The following HSD17B7 variants were observed in gnomAD, a reference collection of about 807,000 sequenced individuals.
HSD17B7 encodes hydroxysteroid 17-beta dehydrogenase 7.
HSD17B7 carries 17 observed loss-of-function variants against 34.1 expected under a neutral mutation model. The observed-to-expected ratio is 0.50, with a 90% CI of 0.34 to 0.75. The LOEUF is 0.75. Ranked by LOEUF, HSD17B7 falls within the 30% of genes least tolerant of loss-of-function variation. The pLI is 0.01. For synonymous variants in HSD17B7, 122 were observed against 154.6 expected (o/e 0.79, Z 1.56); for missense variants, 296 against 406.6 (o/e 0.73, Z 2.34).
At chr1:162,808,800 A>G (rs1230769126) in intron 8 of HSD17B7, among the ~76,000 whole-genome samples, 4 of 152,080 alleles carry the variant, frequency 2.6e-5, no homozygotes, top group Admixed American at 2.6e-4. Context: ...AATGCTTGTG[A>G]TTTTTGCACA....
chr1:162,793,061 T>A, intron 2 of HSD17B7, 199 bp downstream of exon 2: 1 of 418,446 alleles, frequency 2.4e-6, no homozygotes, highest in South Asian at 2.2e-5. Context: ...AGAGATGGAG[T>A]CTTGCTCTGT....
chr1:162,801,034 C>T (rs1305805460), intron 5 of HSD17B7, among the ~76,000 whole-genome samples: 1 of 152,076 alleles, frequency 6.6e-6, no homozygotes, highest in Non-Finnish European at 1.5e-5. Flanking sequence ...GGCTGGAGTG[C>T]GGTGGCACAA....
At chr1:162,801,788 T>C (rs952735499) in intron 5 of HSD17B7, among the ~76,000 whole-genome samples, 28 of 152,242 alleles carry the variant, frequency 1.8e-4, no homozygotes, top group African/African-American at 6.7e-4. Flanking sequence ...TTGAGATGTT[T>C]AAAAACTTGT....
chr1:162,804,385 C>T, intron 7 of HSD17B7, 62 bp downstream of exon 7: 1 of 1,006,402 alleles, frequency 9.9e-7, no homozygotes, highest in Non-Finnish European at 1.5e-6. Context: ...TACAGGTTCA[C>T]TCGTAGTAGA....
chr1:162,794,503 C>A (rs1648534608), intron 2 of HSD17B7, among the ~76,000 whole-genome samples: 1 of 152,154 alleles, frequency 6.6e-6, no homozygotes, highest in Admixed American at 6.5e-5. Flanking sequence ...TTTCTAGGTT[C>A]TGTTTTCACA....
At chr1:162,800,387 C>T (rs955099151) in intron 5 of HSD17B7, 2 of 424,436 alleles carry the variant, frequency 4.7e-6, no homozygotes. Context: ...GCTGTCTTGA[C>T]TTTATAGCTT....
At chr1:162,809,549 A>AG (rs1398321944) in intron 8 of HSD17B7, among the ~76,000 whole-genome samples, 1 of 144,968 alleles carries the variant, frequency 6.9e-6, no homozygotes, top group African/African-American at 2.8e-5. Flanking sequence ...GAATGGTACC[A>AG]TCTCCTTGTA....
At chr1:162,792,963 G>A in intron 2 of HSD17B7, 101 bp downstream of exon 2, 1 of 1,149,278 alleles carries the variant, frequency 8.7e-7, no homozygotes, top group Non-Finnish European at 1.3e-6. Context: ...AACAGGTGCG[G>A]TGTAAGCAGT....
chr1:162,792,215 G>A (rs112563446), intron 1 of HSD17B7, among the ~76,000 whole-genome samples: 1 of 152,280 alleles, frequency 6.6e-6, no homozygotes, highest in South Asian at 2.1e-4. Context: ...TACGATACCA[G>A]TAGGTGGTAG....
At chr1:162,796,455 A>G (rs1355758845) in intron 2 of HSD17B7, 130 bp from the exon 3 acceptor site, 3 of 540,254 alleles carry the variant, frequency 5.6e-6, no homozygotes, top group Non-Finnish European at 9.9e-6. Context: ...TGGCTAATAT[A>G]TTAATTTAAA....
At position 162,790,812 on chromosome 1, in the gene HSD17B7, G is replaced by C. The variant is rs758264943; in HGVS notation, c.12G>C (p.Val4=). The C allele has an allele frequency of 5.6e-6, 9 of 1,613,472 alleles. No homozygotes were observed. Among genetic ancestry groups the C allele is most frequent in the Middle Eastern group, 1.6e-4 (1 of 6,084 alleles). ...GTGAGTGCGCGAAGATGCGAAAGGT[G>C]GTTTTGATCACCGGGGCTAGCAGGT... is the stretch of plus-strand genomic sequence containing the variant. The part of the protein sequence containing the change: MRK[V]VLITGASSGI... The change falls in exon 1 of 9, where the codon GTG becomes GTC. Residue 4 remains valine (V), a synonymous_variant. Coordinates refer to ENST00000254521, the MANE Select transcript of HSD17B7 (RefSeq NM_016371.4).
At chr1:162,797,983 G>A (rs1648677975) in intron 4 of HSD17B7, 67 bp downstream of exon 4, 1 of 1,557,072 alleles carries the variant, frequency 6.4e-7, no homozygotes, top group Non-Finnish European at 8.7e-7. Context: ...TCTGGGCACA[G>A]GGCATTATTA....
Position 162,799,899 on chromosome 1 carries a change from C to CAAA in HSD17B7, c.604_605insAAA (p.Leu202delinsGlnIle). The CAAA allele has an allele frequency of 1.2e-6, 2 of 1,613,992 alleles. No individual in the cohort carries two copies. The highest frequency in any genetic ancestry group is 8.5e-7 in the Non-Finnish European group (1 of 1,179,972). On this transcript the variant is annotated protein_altering_variant, in exon 5 of 9. Coordinates refer to ENST00000254521, the MANE Select transcript of HSD17B7 (RefSeq NM_016371.4). ...CAGCTCTTCCAAATATGCCACTGACCTTTTGAGTGTGGCTTTGAACAGGAA... is the reference window on the plus strand; with the variant it reads ...CAGCTCTTCCAAATATGCCACTGACCAAATTTTGAGTGTGGCTTTGAACAGGAA...
In HSD17B7 at chr1:162,790,744, A is replaced by C. The variant is rs1424875571; in HGVS notation, c.-57A>C. On this transcript the variant is annotated 5_prime_UTR_variant, in exon 1 of 9. Coordinates refer to ENST00000254521, the MANE Select transcript of HSD17B7 (RefSeq NM_016371.4). ...GGGTGAGGCGGCCCGAAATCGTAGG[A>C]CTTCCGAAAGCAGCGGCGGTGTTTG... The C allele has an allele frequency of 1.8e-6, 2 of 1,137,110 alleles. No individual in the cohort carries two copies. Among genetic ancestry groups the C allele is most frequent in the African/African-American group, 3.0e-5 (2 of 66,460 alleles). 70.4% of individuals were successfully genotyped at this position (1,137,110 alleles called of 1,614,324 possible).
chr1:162,807,950 T>C (rs186042694), intron 8 of HSD17B7, among the ~76,000 whole-genome samples: 4 of 152,294 alleles, frequency 2.6e-5, no homozygotes, highest in African/African-American at 9.6e-5. Flanking sequence ...TTCTCTTGCT[T>C]TGCAGAAGCT....
At chr1:162,807,336 C>T (rs1649018635) in intron 8 of HSD17B7, among the ~76,000 whole-genome samples, 1 of 152,062 alleles carries the variant, frequency 6.6e-6, no homozygotes, top group African/African-American at 2.4e-5. Context: ...GTATTCTATG[C>T]TGTATATGTG....
Position 162,805,500 on chromosome 1 carries a change from T to C in HSD17B7, c.903+8T>C. On this transcript the variant is annotated splice_region_variant and intron_variant, in intron 8 of 8. Transcript: ENST00000254521. The stretch of plus-strand genomic sequence containing the variant: ...TACATTATGACCCAGAAGGTAAATG[T>C]GCTTACATTGTTGCACTGATGTTTG... The C allele has an allele frequency of 6.2e-7, 1 of 1,612,004 alleles. No homozygotes were observed. The highest frequency in any genetic ancestry group is 8.5e-7 in the Non-Finnish European group (1 of 1,178,770).
In HSD17B7 at chr1:162,799,565, A is replaced by C. The variant is rs1392219158; in HGVS notation, c.448-178A>C. The C allele has an allele frequency of 1.6e-5, 9 of 558,876 alleles. No homozygotes were observed. In the East Asian group the frequency reaches 2.6e-4, roughly 16 times the overall value. The allele number at this position is 558,876 out of a possible 1,614,324, so 34.6% of individuals were successfully genotyped here. ...GAGATATATATGTACATACTAACTC[A>C]TGTATGTATACATATCTATAAATAT... On this transcript the variant is annotated intron_variant, in intron 4 of 8. Transcript: ENST00000254521.
intron 8 of HSD17B7, among the ~76,000 whole-genome samples, chr1:162,811,108 A>C (rs1438776297): frequency 6.6e-6 from 1 of 152,168 alleles, no homozygotes; most frequent in African/African-American, 2.4e-5. Context: ...TTCCATGTTT[A>C]GTGCTTCCTT....
Sources: allele counts gnomAD v4.1 joint callset (sites outside exome capture counted in the v4.1 genomes callset), GRCh38; gene constraint gnomAD v4.1.1; transcripts MANE v1.5; gene names NCBI Gene and HGNC (gene_info 2026-07-23, HGNC 2026-07-21).